CARM1: variants seen among roughly 807,000 people sequenced by gnomAD.
The protein encoded by CARM1 is coactivator associated arginine methyltransferase 1.
A neutral mutation model predicts 72.7 loss-of-function variants in CARM1; 14 were observed. The observed-to-expected ratio is 0.19, with a 90% CI of 0.13 to 0.30. CARM1 has a LOEUF of 0.30. Ranked by LOEUF, CARM1 falls within the 10% of genes least tolerant of loss-of-function variation. The probability of loss-of-function intolerance (pLI) is 1.00; values close to 1 mark genes in which losing one functional copy is unlikely to be tolerated. For synonymous variants in CARM1, 333 were observed against 345.5 expected (o/e 0.96, Z 0.40); for missense variants, 432 against 833.7 (o/e 0.52, Z 5.93).
At chr19:10,886,996 C>T (rs188306231) in intron 1 of CARM1, among the ~76,000 whole-genome samples, 49 of 152,256 alleles carry the variant, frequency 3.2e-4, no homozygotes, top group African/African-American at 1.2e-3. Flanking sequence ...CCTCCTGCCT[C>T]GGTGTCCTGA....
chr19:10,909,739 A>AAAAC (rs34966774), intron 4 of CARM1, among the ~76,000 whole-genome samples: 42,274 of 151,334 alleles, frequency 0.28, 6,119 homozygotes, highest in East Asian at 0.54. Flanking sequence ...TCCATCTCAA[A>AAAAC]AAACAAACAA....
intron 1 of CARM1, among the ~76,000 whole-genome samples, chr19:10,895,252 C>T (rs756211369): frequency 6.6e-6 from 1 of 152,100 alleles, no homozygotes; most frequent in African/African-American, 2.4e-5. Context: ...TTACAGGTGC[C>T]CACCACCACT....
rs1055054099 is a variant in CARM1 at position 10,916,075 on chromosome 19, G to C, written c.848-332G>C. 1.3e-5 allele frequency among the ~76,000 whole-genome samples: 2 copies of C among 152,228 alleles called. No homozygotes were observed. Among genetic ancestry groups the C allele is most frequent in the African/African-American group, 4.8e-5 (2 of 41,468 alleles). ...CACAGACGGCAGGGCCTGAGAGGCA[G>C]CGCCTGGCCACATCCCGGGCACTGC... On this transcript the variant is annotated intron_variant, in intron 6 of 15. Coordinates refer to ENST00000327064, the MANE Select transcript of CARM1 (RefSeq NM_199141.2). The surrounding 1 kb of genome is among the most constrained non-coding windows in gnomAD (Gnocchi z 4.4).
rs961693335 is a variant in CARM1, at chr19:10,896,081, G to C, written c.221-8870G>C. ...GGAAGGTGCTGGGGAACCGTGGGGC[G>C]GTGTGAAGCAGGCGGGTTGTGTTAG... is the stretch of plus-strand genomic sequence containing the variant. On this transcript the variant is annotated intron_variant, in intron 1 of 15. Transcript: ENST00000327064. This position sits in a 1 kb window ranked among gnomAD's most constrained non-coding sequence, Gnocchi z 5.2. 1.3e-5 allele frequency among the ~76,000 whole-genome samples: 2 copies of C among 152,190 alleles called. No individual in the cohort carries two copies. Among genetic ancestry groups the C allele is most frequent in the Middle Eastern group, 3.4e-3 (1 of 294 alleles).
rs182923929 is a variant in CARM1 at position 10,893,402 on chromosome 19, G to A, written c.221-11549G>A. Among the ~76,000 whole-genome samples the A allele has an allele frequency of 6.0e-3, 914 of 151,830 alleles. 11 individuals are homozygous for A. Among genetic ancestry groups the A allele is most frequent in the African/African-American group, 0.021 (875 of 41,374 alleles). On this transcript the variant is annotated intron_variant, in intron 1 of 15. Coordinates refer to ENST00000327064, the MANE Select transcript of CARM1 (RefSeq NM_199141.2). Reference sequence around the variant, plus strand: ...CCCCCAGGTTGGAGTGCAGTGGTGCGATCTCGGCTCACTGCAACCTCCACC... The same window carrying A: ...CCCCCAGGTTGGAGTGCAGTGGTGCAATCTCGGCTCACTGCAACCTCCACC...
At position 10,899,233 on chromosome 19, in the gene CARM1, C is replaced by T. The variant is rs1007694865; in HGVS notation, c.221-5718C>T. On this transcript the variant is annotated intron_variant, in intron 1 of 15. Coordinates refer to ENST00000327064, the MANE Select transcript of CARM1 (RefSeq NM_199141.2). ...GCCCAGCCCTAGCCCTGGCTGGGCA[C>T]AGCCAGGCTTCACTTGGCCACAGGT... 2.0e-5 allele frequency among the ~76,000 whole-genome samples: 3 copies of T among 152,300 alleles called. No individual in the cohort carries two copies. In the South Asian group the frequency reaches 6.2e-4, roughly 32 times the overall value.
rs915728706 is a variant in CARM1, at chr19:10,912,911, C to T, written c.669+617C>T. ...ACGCTGCTGTCCTGAGCCCCTCTCCCACATGCGGTTGTGTCTGTAGGACAC... is the reference window on the plus strand; with the variant it reads ...ACGCTGCTGTCCTGAGCCCCTCTCCTACATGCGGTTGTGTCTGTAGGACAC... On this transcript the variant is annotated intron_variant, in intron 5 of 15. Transcript: ENST00000327064. The surrounding 1 kb of genome is among the most constrained non-coding windows in gnomAD (Gnocchi z 4.5). 1.3e-5 allele frequency among the ~76,000 whole-genome samples: 2 copies of T among 152,212 alleles called. No individual in the cohort carries two copies. The highest frequency in any genetic ancestry group is 4.8e-5 in the African/African-American group (2 of 41,466).
chr19:10,920,933 G>A lies in CARM1; in HGVS notation c.1524G>A (p.Gly508=), dbSNP rs777234304. 1 of 1,614,222 alleles carries A rather than the reference G, an allele frequency of 6.2e-7. No homozygotes were observed. Among genetic ancestry groups the A allele is most frequent in the African/African-American group, 1.3e-5 (1 of 75,074 alleles). The change falls in exon 13 of 16, where the codon GGG becomes GGA. Residue 508 remains glycine, a synonymous_variant. Transcript: ENST00000327064. This position sits in a 1 kb window ranked among gnomAD's most constrained non-coding sequence, Gnocchi z 5.3. The part of the protein sequence containing the change: ...NTGSTYNLSS[G]MAVAGMPTAY... ...GCAGCACCTACAACCTCAGCAGCGG[G>A]ATGGCCGTGGCAGGTGAGCAGGGCC...
intron 1 of CARM1, among the ~76,000 whole-genome samples, chr19:10,902,271 T>A (rs1270768179): frequency 6.8e-6 from 1 of 146,656 alleles, no homozygotes; most frequent in African/African-American, 2.5e-5. Flanking sequence ...TAAAAATAGA[T>A]ACAAAATAAT....
intron 1 of CARM1, among the ~76,000 whole-genome samples, chr19:10,873,931 G>A (rs999651716): frequency 7.9e-5 from 12 of 151,674 alleles, no homozygotes; most frequent in Admixed American, 7.9e-4. Context: ...GAGCCACCCC[G>A]CCCGGCCAGA....
chr19:10,877,938 C>T (rs2073875746), intron 1 of CARM1, among the ~76,000 whole-genome samples: 1 of 152,130 alleles, frequency 6.6e-6, no homozygotes, highest in Non-Finnish European at 1.5e-5. Flanking sequence ...AACTCCTGGG[C>T]TCAAGTGATC....
At chr19:10,886,715 C>T (rs1295999955) in intron 1 of CARM1, among the ~76,000 whole-genome samples, 1 of 152,044 alleles carries the variant, frequency 6.6e-6, no homozygotes, top group Non-Finnish European at 1.5e-5. Flanking sequence ...CCTGTAATCT[C>T]AGTTACTCTG....
chr19:10,887,471 C>G (rs953990327), intron 1 of CARM1, among the ~76,000 whole-genome samples: 1 of 152,260 alleles, frequency 6.6e-6, no homozygotes, highest in Non-Finnish European at 1.5e-5. Context: ...ATACTGTTCT[C>G]TGAGCCTTGG....
chr19:10,904,989 G>A lies in CARM1; in HGVS notation c.259G>A (p.Glu87Lys), dbSNP rs1481268617. Residue 87 changes from glutamate to lysine, a missense_variant, in exon 2 of 16, where the codon GAG becomes AAG. By Grantham distance (56) the Glu-to-Lys change is moderately conservative. Coordinates refer to ENST00000327064, the MANE Select transcript of CARM1 (RefSeq NM_199141.2). The part of the protein sequence containing the change: ...VCVFKCSVSR[E>K]TECSRVGKQS... Reference sequence around the variant, plus strand: ...TGTCTTTAAGTGCTCAGTGTCCCGAGAGACAGAGTGCAGCCGTGTGGGCAA... The same window carrying A: ...TGTCTTTAAGTGCTCAGTGTCCCGAAAGACAGAGTGCAGCCGTGTGGGCAA... 23 of 1,614,236 alleles carry A rather than the reference G, an allele frequency of 1.4e-5. No individual in the cohort carries two copies. Among genetic ancestry groups the A allele is most frequent in the Non-Finnish European group, 1.9e-5 (22 of 1,180,024 alleles).
At chr19:10,911,970 G>A (rs959083667) in intron 4 of CARM1, among the ~76,000 whole-genome samples, 19 of 152,218 alleles carry the variant, frequency 1.2e-4, no homozygotes, top group African/African-American at 4.6e-4. Context: ...ACAGGGTTGG[G>A]GCCGAGCGGG....
intron 8 of CARM1, among the ~76,000 whole-genome samples, chr19:10,918,380 C>A (rs2074214370): frequency 6.6e-6 from 1 of 152,112 alleles, no homozygotes; most frequent in Admixed American, 6.6e-5. Flanking sequence ...AGTGTGCCAC[C>A]ATGCCCGGCT....
chr19:10,879,600 G>A (rs1331037447), intron 1 of CARM1, among the ~76,000 whole-genome samples: 3 of 152,122 alleles, frequency 2.0e-5, no homozygotes, highest in Non-Finnish European at 4.4e-5. Context: ...ACAGGGCTGG[G>A]TTGGAATCGA....
chr19:10,876,073 T>A (rs1249831396), intron 1 of CARM1, among the ~76,000 whole-genome samples: 1 of 151,732 alleles, frequency 6.6e-6, no homozygotes, highest in Non-Finnish European at 1.5e-5. Context: ...GAGATGGGGT[T>A]TCTCCGTGTT....
chr19:10,921,463 C>T lies in CARM1; in HGVS notation c.1684+20C>T. The stretch of plus-strand genomic sequence containing the variant: ...TCCAAGGTAACGAGGGTGGCGGGGG[C>T]AGGGCCCGTGGGGGCCGAGCTAGCG... On this transcript the variant is annotated intron_variant, in intron 15 of 15. Coordinates refer to ENST00000327064, the MANE Select transcript of CARM1 (RefSeq NM_199141.2). 1 of 1,595,866 alleles carries T rather than the reference C, an allele frequency of 6.3e-7. No individual in the cohort carries two copies. Among genetic ancestry groups the T allele is most frequent in the Non-Finnish European group, 8.5e-7 (1 of 1,170,316 alleles).
Sources: gnomAD v4.1 joint callset for allele counts (sites outside exome capture counted in the v4.1 genomes callset) on GRCh38, gnomAD v4.1.1 for gene constraint, Gnocchi (gnomAD v3.1) non-coding constraint, MANE v1.5 for transcripts, NCBI Gene and HGNC (gene_info 2026-07-23, HGNC 2026-07-21) for gene names.